Variants in PTPRJ observed in about 807,000 individuals in gnomAD.
PTPRJ encodes the protein protein tyrosine phosphatase receptor type J, also known as receptor-type tyrosine-protein phosphatase eta.
PTPRJ carries 129 observed loss-of-function variants against 141.3 expected under a neutral mutation model. That is an observed-to-expected ratio of 0.91 (90% confidence interval 0.79 to 1.06). The LOEUF (loss-of-function observed/expected upper bound fraction) is 1.06, where lower values mean the gene tolerates loss of function less well. Among genes scored for constraint, PTPRJ ranks in the 50% least tolerant of loss-of-function variants. The probability of loss-of-function intolerance (pLI) is 0.00; values close to 1 mark genes in which losing one functional copy is unlikely to be tolerated. For missense variants in PTPRJ, 1,601 were observed against 1,679.7 expected (o/e 0.95, Z 0.82); for synonymous variants, 610 against 640.5 (o/e 0.95, Z 0.72).
chr11:48,163,480 C>G lies in PTPRJ; in HGVS notation c.3581C>G (p.Pro1194Arg). The change falls in exon 23 of 25, where the codon CCT becomes CGT. Residue 1194 changes from proline (P) to arginine (R), a missense_variant. Physicochemically the swap from Pro to Arg is moderately radical, Grantham distance 103. Coordinates refer to ENST00000418331, the MANE Select transcript of PTPRJ (RefSeq NM_002843.4). Reference protein sequence around the residue: ...VKNIQTSESHPLRQFHFTSWP... With the variant: ...VKNIQTSESHRLRQFHFTSWP... Reference sequence around the variant, plus strand: ...TAGATCCAGACAAGTGAGAGTCACCCTCTGAGACAGTTCCATTTCACCTCC... The same window carrying G: ...TAGATCCAGACAAGTGAGAGTCACCGTCTGAGACAGTTCCATTTCACCTCC... 1 of 1,614,044 alleles carries G rather than the reference C, an allele frequency of 6.2e-7. No individual in the cohort carries two copies. Among genetic ancestry groups the G allele is most frequent in the Non-Finnish European group, 8.5e-7 (1 of 1,179,974 alleles).
chr11:48,023,878 C>T (rs922358957), intron 1 of PTPRJ, among the ~76,000 whole-genome samples: 18 of 151,784 alleles, frequency 1.2e-4, no homozygotes, highest in African/African-American at 4.3e-4. Context: ...TTATTAGATC[C>T]ACAACTTTTT....
intron 1 of PTPRJ, among the ~76,000 whole-genome samples, chr11:48,040,568 T>C (rs1298666178): frequency 6.6e-6 from 1 of 152,060 alleles, no homozygotes; most frequent in Non-Finnish European, 1.5e-5. Flanking sequence ...AGGTGACTGC[T>C]CACCTCTCCA....
intron 1 of PTPRJ, among the ~76,000 whole-genome samples, chr11:47,994,139 T>C (rs1343696386): frequency 1.3e-5 from 2 of 151,544 alleles, no homozygotes; most frequent in Non-Finnish European, 2.9e-5. Context: ...GGGATTACAG[T>C]TGTGAGCCAC....
chr11:47,999,856 G>A (rs902305744), intron 1 of PTPRJ, among the ~76,000 whole-genome samples: 4 of 105,614 alleles, frequency 3.8e-5, no homozygotes, highest in African/African-American at 3.1e-4. Context: ...TTCATGCCGA[G>A]ATTCTTCTTT....
intron 21 of PTPRJ, among the ~76,000 whole-genome samples, chr11:48,156,429 T>C (rs954237077): frequency 6.6e-6 from 1 of 152,176 alleles, no homozygotes; most frequent in African/African-American, 2.4e-5. Flanking sequence ...ACGGTGTGGC[T>C]CTGTTCTTCA....
At chr11:48,108,238 G>A (rs1426930133) in intron 1 of PTPRJ, among the ~76,000 whole-genome samples, 1 of 152,230 alleles carries the variant, frequency 6.6e-6, no homozygotes, top group Non-Finnish European at 1.5e-5. Context: ...CAGTGAAGAT[G>A]TAAGGATGAT....
intron 1 of PTPRJ, among the ~76,000 whole-genome samples, chr11:47,998,442 T>C (rs1382307228): frequency 6.6e-6 from 1 of 152,222 alleles, no homozygotes; most frequent in Non-Finnish European, 1.5e-5. Context: ...AACTGTGTTC[T>C]TGAAAAAATT....
intron 22 of PTPRJ, among the ~76,000 whole-genome samples, chr11:48,161,273 G>C (rs1232989507): frequency 6.6e-6 from 1 of 151,366 alleles, no homozygotes; most frequent in African/African-American, 2.4e-5. Flanking sequence ...AAACATTCTA[G>C]GAGATGAAAA....
intron 1 of PTPRJ, among the ~76,000 whole-genome samples, chr11:48,054,125 G>A (rs1261164786): frequency 6.6e-6 from 1 of 151,672 alleles, no homozygotes; most frequent in Non-Finnish European, 1.5e-5. Flanking sequence ...TTGAGATGGG[G>A]GTTTCACCAT....
In PTPRJ at chr11:47,988,879, GT is replaced by G. The variant is rs869194701; in HGVS notation, c.96+7897del. The stretch of plus-strand genomic sequence containing the variant: ...TCTGAAAGGTGAAAAATTGTATCTT[GT>G]TTTTTTTTTTTTTTTTTTTTTTTTT... On this transcript the variant is annotated intron_variant, in intron 1 of 24. Transcript: ENST00000418331. Among the ~76,000 whole-genome samples, 386 of 76,322 alleles carry G rather than the reference GT, an allele frequency of 5.1e-3. 1 individual carries two copies. The highest frequency in any genetic ancestry group is 0.019 in the African/African-American group (276 of 14,614). The allele number at this position is 76,322 out of a possible 152,430, so 50.1% of individuals were successfully genotyped here.
At chr11:47,981,952 C>A (rs1450096983) in intron 1 of PTPRJ, among the ~76,000 whole-genome samples, 3 of 152,352 alleles carry the variant, frequency 2.0e-5, no homozygotes, top group African/African-American at 7.2e-5. Flanking sequence ...GGCTGCCTTG[C>A]TGTGCGTTTC....
At chr11:48,157,718 G>T (rs1003569012) in intron 21 of PTPRJ, among the ~76,000 whole-genome samples, 6 of 152,246 alleles carry the variant, frequency 3.9e-5, no homozygotes, top group Non-Finnish European at 8.8e-5. Context: ...TGTGCTAGGG[G>T]CTGAGGATGG....
chr11:48,074,899 C>T (rs955039878), intron 1 of PTPRJ, among the ~76,000 whole-genome samples: 2 of 152,028 alleles, frequency 1.3e-5, no homozygotes, highest in Non-Finnish European at 1.5e-5. Context: ...ATCTCACCTC[C>T]AAAAATTTTA....
chr11:48,139,714 C>G lies in PTPRJ; in HGVS notation c.2381C>G (p.Thr794Ser). Reference protein sequence around the residue: ...NFSTSYNISITTVSCGKMAAP... With the variant: ...NFSTSYNISISTVSCGKMAAP... ...TCTACCTCGTACAACATCAGCATCACCACTGTGTCCTGTGGAAAGATGGCA... is the reference window on the plus strand; with the variant it reads ...TCTACCTCGTACAACATCAGCATCAGCACTGTGTCCTGTGGAAAGATGGCA... Residue 794 changes from threonine to serine, a missense_variant, in exon 11 of 25, where the codon ACC (threonine) becomes AGC (serine). Thr to Ser is a moderately conservative substitution (Grantham distance 58, BLOSUM62 1). Coordinates refer to ENST00000418331, the MANE Select transcript of PTPRJ (RefSeq NM_002843.4). 1 of 1,614,178 alleles carries G rather than the reference C, an allele frequency of 6.2e-7. No homozygotes were observed. Among genetic ancestry groups the G allele is most frequent in the Non-Finnish European group, 8.5e-7 (1 of 1,180,034 alleles).
chr11:48,124,598 C>T (rs1408835418), intron 5 of PTPRJ, among the ~76,000 whole-genome samples: 1 of 152,182 alleles, frequency 6.6e-6, no homozygotes, highest in Non-Finnish European at 1.5e-5. Flanking sequence ...GGGTCTGGTC[C>T]AGGGAAACGT....
chr11:48,053,050 A>G (rs1347558472), intron 1 of PTPRJ, among the ~76,000 whole-genome samples: 3 of 139,920 alleles, frequency 2.1e-5, no homozygotes, highest in Non-Finnish European at 1.5e-5. Context: ...GTTTCCAGAT[A>G]TTGTTTTTTT....
At position 48,126,600 on chromosome 11, in the gene PTPRJ, G is replaced by A. The variant is rs148693074; in HGVS notation, c.1094-1180G>A. ...TCCCTGGGTCTTCACGTGGTTGAAG[G>A]GGTGAGGGCGTGGTTTCTCTCCAGC... On this transcript the variant is annotated intron_variant, in intron 6 of 24. Coordinates refer to ENST00000418331, the MANE Select transcript of PTPRJ (RefSeq NM_002843.4). Among the ~76,000 whole-genome samples, 530 of 152,074 alleles carry A rather than the reference G, an allele frequency of 3.5e-3. 1 individual carries two copies. The highest frequency in any genetic ancestry group is 0.012 in the African/African-American group (489 of 41,476).
intron 1 of PTPRJ, among the ~76,000 whole-genome samples, chr11:48,107,288 T>G (rs1364726511): frequency 6.6e-6 from 1 of 151,808 alleles, no homozygotes; most frequent in African/African-American, 2.4e-5. Flanking sequence ...GTTCGACTTA[T>G]CAGCACAAAG....
chr11:48,010,869 A>G (rs569027628), intron 1 of PTPRJ, among the ~76,000 whole-genome samples: 1 of 151,880 alleles, frequency 6.6e-6, no homozygotes, highest in African/African-American at 2.4e-5. Context: ...TTTTGGAGAT[A>G]GGGTTTTTCT....
Sources: allele counts gnomAD v4.1 joint callset (sites outside exome capture counted in the v4.1 genomes callset), GRCh38; gene constraint gnomAD v4.1.1; transcripts MANE v1.5; gene names NCBI Gene and HGNC (gene_info 2026-07-23, HGNC 2026-07-21).